The following OR2A25 variants were observed in gnomAD, a reference collection of about 807,000 sequenced individuals.
OR2A25 encodes olfactory receptor 2A25.
For synonymous variants in OR2A25, 162 were observed against 148.1 expected (o/e 1.09, Z -0.68); for missense variants, 362 against 368.3 (o/e 0.98, Z 0.14).
intron 1 of OR2A25, among the ~76,000 whole-genome samples, chr7:144,070,724 A>G (rs1170729778): frequency 3.3e-5 from 5 of 152,092 alleles, no homozygotes; most frequent in African/African-American, 7.2e-5. Flanking sequence ...TTTATGTTAC[A>G]TAAGAAGAAG....
At chr7:144,070,936 C>T (rs1469269288) in intron 1 of OR2A25, among the ~76,000 whole-genome samples, 2 of 151,926 alleles carry the variant, frequency 1.3e-5, no homozygotes, top group South Asian at 2.1e-4. Context: ...GGCACCCAGA[C>T]CCTCAAGCAT....
chr7:144,070,284 A>G (rs2051055828), intron 1 of OR2A25: 1 of 152,146 alleles, frequency 6.6e-6, no homozygotes, highest in African/African-American at 2.4e-5. Flanking sequence ...TTGGAATGAA[A>G]GAGTTTCAAC....
At position 144,075,268 on chromosome 7, in the gene OR2A25, A is replaced by G. The variant is rs1303396262; in HGVS notation, c.*116A>G. 1 of 774,716 alleles carries G rather than the reference A, an allele frequency of 1.3e-6. No homozygotes were observed. Among genetic ancestry groups the G allele is most frequent in the Non-Finnish European group, 2.1e-6 (1 of 478,988 alleles). The allele number at this position is 774,716 out of a possible 1,614,324, so 48.0% of individuals were successfully genotyped here. ...AGAGAACCCTTTCCATCTTCTTGAA[A>G]TTTTCCTATGACTACCTCCCGAGAA... On this transcript the variant is annotated 3_prime_UTR_variant, in exon 2 of 2. Coordinates refer to ENST00000641663, the MANE Select transcript of OR2A25 (RefSeq NM_001386096.1).
Position 144,074,469 on chromosome 7 carries a change from C to A in OR2A25, c.250C>A (p.Leu84Ile). 1 of 1,614,202 alleles carries A rather than the reference C, an allele frequency of 6.2e-7. No individual in the cohort carries two copies. The highest frequency in any genetic ancestry group is 8.5e-7 in the Non-Finnish European group (1 of 1,180,024). Residue 84 changes from leucine (L) to isoleucine (I), a missense_variant, in exon 2 of 2, where the codon CTC becomes ATC. By Grantham distance (5) the Leu-to-Ile change is conservative (BLOSUM62 2). Coordinates refer to ENST00000641663, the MANE Select transcript of OR2A25 (RefSeq NM_001386096.1). ...CSTVPQMLVN[L>I]LHPAKPISFA... ...CACGGTGCCCCAGATGCTGGTGAAC[C>A]TCCTGCATCCAGCCAAGCCCATCTC...
intron 1 of OR2A25, among the ~76,000 whole-genome samples, chr7:144,073,629 C>G (rs1189579907): frequency 2.0e-5 from 3 of 152,132 alleles, no homozygotes; most frequent in Non-Finnish European, 4.4e-5. Context: ...ACACAAAGAT[C>G]TCTGTTTAAA....
Position 144,075,849 on chromosome 7 carries a change from G to A in OR2A25, c.*697G>A, listed in dbSNP as rs1371459070. ...CCGTCTCAAAAAAAAAAAAAAGAAA[G>A]TGTCATATTTAGGCCAGGCGTAGTG... On this transcript the variant is annotated 3_prime_UTR_variant, in exon 2 of 2. Transcript: ENST00000641663. 1.6e-5 allele frequency: 2 copies of A among 125,842 alleles called. No individual in the cohort carries two copies. The highest frequency in any genetic ancestry group is 3.2e-5 in the African/African-American group (1 of 31,586). The allele number at this position is 125,842 out of a possible 1,614,324, so 7.8% of individuals were successfully genotyped here. A position where few individuals can be genotyped will look rare whatever the true frequency, so the allele number is the denominator to read the frequency against.
intron 1 of OR2A25, among the ~76,000 whole-genome samples, chr7:144,073,074 C>T (rs996543599): frequency 6.6e-6 from 1 of 151,926 alleles, no homozygotes; most frequent in African/African-American, 2.4e-5. Flanking sequence ...TTGGTGGTTA[C>T]CAGATGCCAG....
At chr7:144,070,927 G>T (rs777173424) in intron 1 of OR2A25, among the ~76,000 whole-genome samples, 2 of 151,774 alleles carry the variant, frequency 1.3e-5, no homozygotes, top group African/African-American at 4.8e-5. Flanking sequence ...AGGGAATGAG[G>T]CACCCAGACC....
rs1173630495 is a variant in OR2A25, at chr7:144,075,276, A to G, written c.*124A>G. On this transcript the variant is annotated 3_prime_UTR_variant, in exon 2 of 2. Coordinates refer to ENST00000641663, the MANE Select transcript of OR2A25 (RefSeq NM_001386096.1). Reference sequence around the variant, plus strand: ...CTTTCCATCTTCTTGAAATTTTCCTATGACTACCTCCCGAGAAAGCCCATT... The same window carrying G: ...CTTTCCATCTTCTTGAAATTTTCCTGTGACTACCTCCCGAGAAAGCCCATT... 2.4e-5 allele frequency: 17 copies of G among 717,766 alleles called. No individual in the cohort carries two copies. The highest frequency in any genetic ancestry group is 3.7e-5 in the Non-Finnish European group (16 of 429,290). The allele number at this position is 717,766 out of a possible 1,614,324, so 44.5% of individuals were successfully genotyped here.
chr7:144,074,184 C>T (rs1670525768), intron 1 of OR2A25, 32 bp from the exon 2 acceptor site: 5 of 1,586,988 alleles, frequency 3.2e-6, no homozygotes, highest in Admixed American at 3.4e-5. Context: ...CTTAGACATT[C>T]AGACTTGGTG....
At chr7:144,073,546 G>A (rs931865006) in intron 1 of OR2A25, among the ~76,000 whole-genome samples, 2 of 152,010 alleles carry the variant, frequency 1.3e-5, no homozygotes, top group Non-Finnish European at 2.9e-5. Context: ...GTCCAAGAAA[G>A]GTGACAGGTA....
At chr7:144,072,655 G>A (rs2051075623) in intron 1 of OR2A25, among the ~76,000 whole-genome samples, 2 of 152,090 alleles carry the variant, frequency 1.3e-5, no homozygotes, top group Admixed American at 6.5e-5. Context: ...GTACTGGGTA[G>A]ACATTTATTA....
Position 144,075,239 on chromosome 7 carries a change from C to G in OR2A25, c.*87C>G. The stretch of plus-strand genomic sequence containing the variant: ...TCCCTACTCAGGATACATAATCACA[C>G]TCTAGAGAACCCTTTCCATCTTCTT... On this transcript the variant is annotated 3_prime_UTR_variant, in exon 2 of 2. Transcript: ENST00000641663. The G allele has an allele frequency of 1.1e-6, 1 of 931,536 alleles. No individual in the cohort carries two copies. The highest frequency in any genetic ancestry group is 1.6e-5 in the South Asian group (1 of 60,852). The allele number at this position is 931,536 out of a possible 1,614,324, so 57.7% of individuals were successfully genotyped here. A position where few individuals can be genotyped will look rare whatever the true frequency, so the allele number is the denominator to read the frequency against.
chr7:144,074,865 T>G lies in OR2A25; in HGVS notation c.646T>G (p.Ser216Ala). The G allele has an allele frequency of 6.2e-7, 1 of 1,614,168 alleles. No homozygotes were observed. Among genetic ancestry groups the G allele is most frequent in the Non-Finnish European group, 8.5e-7 (1 of 1,180,022 alleles). The change falls in exon 2 of 2, where the codon TCT (serine) becomes GCT (alanine). Residue 216 changes from serine (S) to alanine (A), a missense_variant. By Grantham distance (99) the Ser-to-Ala change is moderately conservative (BLOSUM62 1). Coordinates refer to ENST00000641663, the MANE Select transcript of OR2A25 (RefSeq NM_001386096.1). ...LVGAFFSTVI[S>A]YVHILCAILK... is the part of the protein sequence containing the mutation. ...GGGAGCCTTCTTTTCCACTGTAATA[T>G]CTTATGTTCATATTCTATGTGCCAT...
At position 144,074,862 on chromosome 7, in the gene OR2A25, A is replaced by G; in HGVS notation, c.643A>G (p.Ile215Val). Residue 215 changes from isoleucine (I) to valine (V), a missense_variant, in exon 2 of 2, where the codon ATA becomes GTA. Coordinates refer to ENST00000641663, the MANE Select transcript of OR2A25 (RefSeq NM_001386096.1). The part of the protein sequence containing the change: ...VLVGAFFSTV[I>V]SYVHILCAIL... Reference sequence around the variant, plus strand: ...GGTGGGAGCCTTCTTTTCCACTGTAATATCTTATGTTCATATTCTATGTGC... The same window carrying G: ...GGTGGGAGCCTTCTTTTCCACTGTAGTATCTTATGTTCATATTCTATGTGC... 1 of 1,614,104 alleles carries G rather than the reference A, an allele frequency of 6.2e-7. No individual in the cohort carries two copies.
chr7:144,071,303 TA>T (rs1563034438), intron 1 of OR2A25, among the ~76,000 whole-genome samples: 1 of 152,148 alleles, frequency 6.6e-6, no homozygotes, highest in Non-Finnish European at 1.5e-5. Context: ...TTATTTAATT[TA>T]ACATAATGAT....
At chr7:144,070,981 C>A (rs867855522) in intron 1 of OR2A25, among the ~76,000 whole-genome samples, 13 of 152,082 alleles carry the variant, frequency 8.5e-5, no homozygotes, top group African/African-American at 2.2e-4. Context: ...CAATTACATT[C>A]TTTAATGTGA....
rs753522990 is a variant in OR2A25 at position 144,074,949 on chromosome 7, C to T, written c.730C>T (p.Leu244Phe). The T allele has an allele frequency of 8.7e-6, 14 of 1,614,144 alleles. No individual in the cohort carries two copies. The South Asian group carries it at 9.9e-5, about 11-fold the overall frequency. Residue 244 changes from leucine (L) to phenylalanine (F), a missense_variant, in exon 2 of 2, where the codon CTC (leucine) becomes TTC (phenylalanine). Transcript: ENST00000641663. ...AGCCTTCTCCATCTGCTCCTCCCACCTCTGTGTGGTTGGACTCTTTTATGG... is the reference window on the plus strand; with the variant it reads ...AGCCTTCTCCATCTGCTCCTCCCACTTCTGTGTGGTTGGACTCTTTTATGG... ...QKAFSICSSH[L>F]CVVGLFYGTA...
chr7:144,071,651 C>T lies in OR2A25; in HGVS notation c.-5+1755C>T, dbSNP rs527328344. ...CCCTCAGCTAAGACATGTAGCAGGA[C>T]GTAATATATGTTCAGTTAATACCTG... On this transcript the variant is annotated intron_variant, in intron 1 of 1. Coordinates refer to ENST00000641663, the MANE Select transcript of OR2A25 (RefSeq NM_001386096.1). Among the ~76,000 whole-genome samples the T allele has an allele frequency of 1.2e-4, 18 of 152,114 alleles. No individual in the cohort carries two copies. The South Asian group carries it at 2.7e-3, about 23-fold the overall frequency.
Sources: allele counts gnomAD v4.1 joint callset (sites outside exome capture counted in the v4.1 genomes callset), GRCh38; gene constraint gnomAD v4.1.1; transcripts MANE v1.5; gene names NCBI Gene and HGNC (gene_info 2026-07-23, HGNC 2026-07-21).